RNF150: variants seen among roughly 807,000 people sequenced by gnomAD.
The protein encoded by RNF150 is ring finger protein 150.
A neutral mutation model predicts 39.3 loss-of-function variants in RNF150; 24 were observed. That is an observed-to-expected ratio of 0.61 (90% CI 0.44 to 0.86). RNF150 has a LOEUF of 0.86. RNF150 is among the 40% of genes least tolerant of loss of function. The pLI is 0.00. For missense variants in RNF150, 502 were observed against 587.8 expected (o/e 0.85, Z 1.51); for synonymous variants, 255 against 227.3 (o/e 1.12, Z -1.10).
At chr4:141,033,978 A>G (rs1204882716) in intron 1 of RNF150, among the ~76,000 whole-genome samples, 1 of 152,234 alleles carries the variant, frequency 6.6e-6, no homozygotes, top group Admixed American at 6.5e-5. Context: ...TTCATTTTAA[A>G]GTCACCAGCT....
intron 1 of RNF150, among the ~76,000 whole-genome samples, chr4:141,110,641 G>C (rs984554963): frequency 6.6e-6 from 1 of 151,454 alleles, no homozygotes; most frequent in African/African-American, 2.4e-5. Context: ...TCAAACTCCT[G>C]ACCTCAAGCC....
chr4:140,994,828 TTTTTTAA>T (rs566044364), intron 1 of RNF150, among the ~76,000 whole-genome samples: 108 of 152,258 alleles, frequency 7.1e-4, no homozygotes, highest in African/African-American at 2.5e-3. Flanking sequence ...CTATAAGTCT[TTTTTTAA>T]TTTTTAATTT....
rs2111174269 is a variant in RNF150 at position 140,867,460 on chromosome 4, T to C, written c.*801A>G. On this transcript the variant is annotated 3_prime_UTR_variant, in exon 7 of 7. Transcript: ENST00000515673. The stretch of plus-strand genomic sequence containing the variant: ...TGAGTTCAGAATTTCAGCCAAAGAC[T>C]GTAAGACCCAGAAGAATGAAACGGC... 6.6e-6 allele frequency: 1 copy of C among 152,322 alleles called. No homozygotes were observed. Among genetic ancestry groups the C allele is most frequent in the Non-Finnish European group, 1.5e-5 (1 of 68,040 alleles). The allele number at this position is 152,322 out of a possible 1,614,324, so 9.4% of individuals were successfully genotyped here. A position where few individuals can be genotyped will look rare whatever the true frequency, so the allele number is the denominator to read the frequency against.
rs142654610 is a variant in RNF150 at position 141,075,798 on chromosome 4, A to G, written c.484+56527T>C. 5.0e-3 allele frequency among the ~76,000 whole-genome samples: 767 copies of G among 152,270 alleles called. 7 individuals are homozygous for G. The highest frequency in any genetic ancestry group is 0.017 in the African/African-American group (722 of 41,556). ...GTTTGCTGGGAAAATCTCTAGCAGAAGATAATTTTCTCAGTGGGGTGAGGG... is the reference window on the plus strand; with the variant it reads ...GTTTGCTGGGAAAATCTCTAGCAGAGGATAATTTTCTCAGTGGGGTGAGGG... On this transcript the variant is annotated intron_variant, in intron 1 of 6. Coordinates refer to ENST00000515673, the MANE Select transcript of RNF150 (RefSeq NM_020724.2).
In RNF150 at chr4:140,911,306, G is replaced by C; in HGVS notation, c.1036C>G (p.Leu346Val). 6.2e-7 allele frequency: 1 copy of C among 1,614,128 alleles called. No individual in the cohort carries two copies. Among genetic ancestry groups the C allele is most frequent in the Non-Finnish European group, 8.5e-7 (1 of 1,180,018 alleles). ...DDLPTDFEGSLGGPPTNQITG... is the reference protein window; with the variant it reads ...DDLPTDFEGSVGGPPTNQITG... ...ATCTGGTTGGTGGGTGGACCTCCCA[G>C]AGAGCCCTCGAAGTCAGTGGGCAAG... is the stretch of plus-strand genomic sequence containing the variant. Residue 346 changes from leucine to valine, a missense_variant, in exon 6 of 7, where the codon CTG (leucine) becomes GTG (valine). Coordinates refer to ENST00000515673, the MANE Select transcript of RNF150 (RefSeq NM_020724.2).
In RNF150 at chr4:141,053,763, C is replaced by T. The variant is rs780956410; in HGVS notation, c.484+78562G>A. Reference sequence around the variant, plus strand: ...ACAACGATAAAAATGAAAAAGAAAACGAGATAAGTGATCCAGCTTCATTTC... The same window carrying T: ...ACAACGATAAAAATGAAAAAGAAAATGAGATAAGTGATCCAGCTTCATTTC... On this transcript the variant is annotated intron_variant, in intron 1 of 6. Coordinates refer to ENST00000515673, the MANE Select transcript of RNF150 (RefSeq NM_020724.2). The T allele has an allele frequency of 2.1e-5, 26 of 1,211,108 alleles. No homozygotes were observed. In the Admixed American group the frequency reaches 2.9e-4, roughly 13 times the overall value. 75.0% of individuals were successfully genotyped at this position (1,211,108 alleles called of 1,614,324 possible).
chr4:140,901,855 A>G (rs1287224253), intron 6 of RNF150, among the ~76,000 whole-genome samples: 1 of 152,226 alleles, frequency 6.6e-6, no homozygotes. Context: ...CTTGAAGGAT[A>G]CATAGGATTT....
chr4:140,911,681 T>C (rs1394370263), intron 5 of RNF150, among the ~76,000 whole-genome samples: 1 of 152,206 alleles, frequency 6.6e-6, no homozygotes, highest in Non-Finnish European at 1.5e-5. Flanking sequence ...TTATTTACAA[T>C]GAAGGCACTT....
chr4:140,949,443 A>G (rs1732455816), intron 2 of RNF150, 71 bp from the exon 3 acceptor site: 2 of 1,285,084 alleles, frequency 1.6e-6, no homozygotes, highest in Non-Finnish European at 2.3e-6. Flanking sequence ...ATATCATTTA[A>G]TACACCAGGG....
chr4:140,910,730 T>C (rs569973753), intron 6 of RNF150, among the ~76,000 whole-genome samples: 3 of 152,090 alleles, frequency 2.0e-5, no homozygotes, highest in Non-Finnish European at 4.4e-5. Flanking sequence ...TGTACACACA[T>C]GCGAGCATGC....
intron 2 of RNF150, among the ~76,000 whole-genome samples, chr4:140,949,883 C>T (rs1732478639): frequency 6.6e-6 from 1 of 152,178 alleles, no homozygotes; most frequent in Non-Finnish European, 1.5e-5. Context: ...CCATCACATT[C>T]TCATGTGGCA....
intron 6 of RNF150, among the ~76,000 whole-genome samples, chr4:140,878,242 CCTCA>C (rs57500731): frequency 0.99 from 144,879 of 146,708 alleles, 71,558 homozygotes; most frequent in Middle Eastern, 1. Context: ...TCTTGGCTTA[CCTCA>C]CTCAACCTTT....
At chr4:141,171,215 G>C (rs780928650) in intron 1 of RNF150, among the ~76,000 whole-genome samples, 1 of 152,168 alleles carries the variant, frequency 6.6e-6, no homozygotes, top group Non-Finnish European at 1.5e-5. Flanking sequence ...AGCCCACACT[G>C]CATGGTCTAT....
intron 1 of RNF150, among the ~76,000 whole-genome samples, chr4:141,188,869 C>T (rs191390466): frequency 6.6e-6 from 1 of 152,314 alleles, no homozygotes; most frequent in East Asian, 1.9e-4. Context: ...CTTCTTGAAG[C>T]CAACTTCTGT....
chr4:141,154,387 A>G (rs1029360519), intron 1 of RNF150, among the ~76,000 whole-genome samples: 3 of 152,218 alleles, frequency 2.0e-5, no homozygotes, highest in African/African-American at 7.2e-5. Context: ...GTCCTTCCTT[A>G]GCGTGCCTGT....
chr4:141,007,269 T>C (rs1177647155), intron 1 of RNF150, among the ~76,000 whole-genome samples: 1 of 152,156 alleles, frequency 6.6e-6, no homozygotes, highest in Non-Finnish European at 1.5e-5. Context: ...TATGTAGTGG[T>C]GGTGAGGGTC....
intron 1 of RNF150, among the ~76,000 whole-genome samples, chr4:141,124,250 A>T (rs1726691662): frequency 6.6e-6 from 1 of 152,246 alleles, no homozygotes; most frequent in Non-Finnish European, 1.5e-5. Flanking sequence ...TTCTGATGCC[A>T]GGGCTCTGAC....
chr4:141,132,909 T>G lies in RNF150; in HGVS notation c.-101A>C. 1.0e-6 allele frequency: 1 copy of G among 973,306 alleles called. No individual in the cohort carries two copies. The highest frequency in any genetic ancestry group is 1.7e-5 in the African/African-American group (1 of 59,442). The allele number at this position is 973,306 out of a possible 1,614,324, so 60.3% of individuals were successfully genotyped here. On this transcript the variant is annotated 5_prime_UTR_variant, in exon 1 of 7. Transcript: ENST00000515673. The surrounding 1 kb of genome is among the most constrained non-coding windows in gnomAD (Gnocchi z 4.9). The stretch of plus-strand genomic sequence containing the variant: ...CCCGGGCCGCTGCCTCTCCTCCTGC[T>G]GCTGCTCACTCCCGGGCCGGAGGGG...
chr4:140,903,829 A>C (rs994283768), intron 6 of RNF150, among the ~76,000 whole-genome samples: 8 of 152,210 alleles, frequency 5.3e-5, no homozygotes, highest in African/African-American at 1.7e-4. Flanking sequence ...TGTCATACTC[A>C]GGCTGAGTGC....
Sources: gnomAD v4.1 joint callset for allele counts (sites outside exome capture counted in the v4.1 genomes callset) on GRCh38, gnomAD v4.1.1 for gene constraint, Gnocchi (gnomAD v3.1) non-coding constraint, MANE v1.5 for transcripts, NCBI Gene and HGNC (gene_info 2026-07-23, HGNC 2026-07-21) for gene names.